CDH19: variants seen among roughly 807,000 people sequenced by gnomAD.
The protein encoded by CDH19 is cadherin 19.
In CDH19, 67 loss-of-function variants were observed where a neutral mutation model predicts 64.2. That is an observed-to-expected ratio of 1.04 (90% CI 0.86 to 1.28). The LOEUF (loss-of-function observed/expected upper bound fraction) is 1.28. CDH19 is among the 50% of genes most tolerant of loss of function. CDH19 has a pLI of 0.00. For synonymous variants in CDH19, 346 were observed against 319.3 expected (o/e 1.08, Z -0.89); for missense variants, 1,030 against 929.0 (o/e 1.11, Z -1.41).
chr18:66,505,973 T>G (rs980195300), intron 11 of CDH19, among the ~76,000 whole-genome samples: 1 of 151,920 alleles, frequency 6.6e-6, no homozygotes, highest in African/African-American at 2.4e-5. Context: ...AGTTGAGAGA[T>G]ACAATGGAAT....
chr18:66,590,482 A>C (rs1291537919), intron 1 of CDH19, among the ~76,000 whole-genome samples: 1 of 151,598 alleles, frequency 6.6e-6, no homozygotes, highest in Non-Finnish European at 1.5e-5. Flanking sequence ...GGTACCTTTA[A>C]CCAATGTCTT....
chr18:66,568,797 T>C (rs1233914470), intron 2 of CDH19, 87 bp from the exon 3 acceptor site: 1 of 1,043,200 alleles, frequency 9.6e-7, no homozygotes, highest in Non-Finnish European at 1.4e-6. Context: ...GTATGTTAAT[T>C]ATTCCCCAAG....
At chr18:66,573,140 A>G (rs1219984740) in intron 1 of CDH19, among the ~76,000 whole-genome samples, 1 of 151,674 alleles carries the variant, frequency 6.6e-6, no homozygotes, top group Non-Finnish European at 1.5e-5. Context: ...TCTAATCCTT[A>G]TATGTAACTT....
intron 9 of CDH19, among the ~76,000 whole-genome samples, chr18:66,515,199 C>A (rs2144360739): frequency 6.6e-6 from 1 of 151,734 alleles, no homozygotes; most frequent in African/African-American, 2.4e-5. Flanking sequence ...AAAATCTTAT[C>A]TGAGTTGCTT....
At chr18:66,548,805 C>T (rs1987234719) in intron 5 of CDH19, among the ~76,000 whole-genome samples, 2 of 152,122 alleles carry the variant, frequency 1.3e-5, no homozygotes, top group Non-Finnish European at 2.9e-5. Context: ...AGGAAGAATA[C>T]AAAGCATCTT....
chr18:66,504,833 A>T lies in CDH19; in HGVS notation c.2298T>A (p.Ser766=). 1 of 1,603,796 alleles carries T rather than the reference A, an allele frequency of 6.2e-7. No homozygotes were observed. Among genetic ancestry groups the T allele is most frequent in the Admixed American group, 1.7e-5 (1 of 59,630 alleles). Residue 766 remains serine, a synonymous_variant, in exon 12 of 12, where the codon TCT becomes TCA. Coordinates refer to ENST00000262150, the MANE Select transcript of CDH19 (RefSeq NM_021153.4). ...AGCCCTAATTATTTGACTGCACTGC[A>T]GAACCAAACATGCATGCTAATCTTT... ...RFKRLACMFG[S]AVQSNN
At chr18:66,534,272 A>G (rs73537794) in intron 8 of CDH19, among the ~76,000 whole-genome samples, 2,540 of 152,116 alleles carry the variant, frequency 0.017, 63 homozygotes, top group African/African-American at 0.057. Context: ...TTGAAAACCC[A>G]GATTCAAGCT....
Position 66,540,106 on chromosome 18 carries a change from C to T in CDH19, c.1214+3865G>A, listed in dbSNP as rs186627607. 1.1e-4 allele frequency among the ~76,000 whole-genome samples: 17 copies of T among 152,092 alleles called. No homozygotes were observed. The East Asian group carries it at 3.3e-3, about 29-fold the overall frequency. ...CTCTCTCTCTCTGTTTGCCCCTTGG[C>T]CTTTCTCGATAGAGATTAATAAACT... On this transcript the variant is annotated intron_variant, in intron 7 of 11. Transcript: ENST00000262150.
rs143660837 is a variant in CDH19 at position 66,581,381 on chromosome 18, G to A, written c.-112-9065C>T. Among the ~76,000 whole-genome samples the A allele has an allele frequency of 2.6e-3, 390 of 152,092 alleles. 2 individuals carry two copies. Among genetic ancestry groups the A allele is most frequent in the African/African-American group, 9.0e-3 (372 of 41,522 alleles). Reference sequence around the variant, plus strand: ...ATTAATATTAGGTGTCAACTTGATTGGATTGAAGAATCCCTAGATAGCTGG... The same window carrying A: ...ATTAATATTAGGTGTCAACTTGATTAGATTGAAGAATCCCTAGATAGCTGG... On this transcript the variant is annotated intron_variant, in intron 1 of 11. Coordinates refer to ENST00000262150, the MANE Select transcript of CDH19 (RefSeq NM_021153.4).
chr18:66,542,475 A>T (rs1986925242), intron 7 of CDH19, among the ~76,000 whole-genome samples: 1 of 152,212 alleles, frequency 6.6e-6, no homozygotes, highest in Non-Finnish European at 1.5e-5. Context: ...CTATACCTCA[A>T]CTACTGAAAC....
At chr18:66,593,114 T>C (rs1988789721) in intron 1 of CDH19, among the ~76,000 whole-genome samples, 1 of 151,898 alleles carries the variant, frequency 6.6e-6, no homozygotes, top group African/African-American at 2.4e-5. Context: ...TGAAATAATA[T>C]CTCATTGTGA....
At chr18:66,584,392 G>C (rs1273849669) in intron 1 of CDH19, among the ~76,000 whole-genome samples, 1 of 152,172 alleles carries the variant, frequency 6.6e-6, no homozygotes, top group East Asian at 1.9e-4. Context: ...CTGTCGGTGA[G>C]AGTATAAATT....
intron 5 of CDH19, among the ~76,000 whole-genome samples, chr18:66,549,750 G>A (rs1987270310): frequency 6.6e-6 from 1 of 152,132 alleles, no homozygotes; most frequent in Admixed American, 6.5e-5. Flanking sequence ...GCTACACTGA[G>A]TAGTTGTCTG....
chr18:66,512,476 G>T (rs1461691677), intron 9 of CDH19, among the ~76,000 whole-genome samples: 1 of 151,418 alleles, frequency 6.6e-6, no homozygotes, highest in Non-Finnish European at 1.5e-5. Flanking sequence ...CAATTAAAGT[G>T]CCTTTAACAA....
chr18:66,522,601 T>C (rs1986043748), intron 9 of CDH19, among the ~76,000 whole-genome samples: 1 of 151,980 alleles, frequency 6.6e-6, no homozygotes, highest in Admixed American at 6.6e-5. Flanking sequence ...TTTCAAACAT[T>C]TTTTATACAA....
intron 9 of CDH19, among the ~76,000 whole-genome samples, chr18:66,521,922 TTGTTGTTGTTGTTGTTGTTG>T: frequency 9.2e-6 from 1 of 109,156 alleles, no homozygotes; most frequent in South Asian, 2.6e-4. Context: ...TGTTCTGTTG[TTGTTGTTGTTGTTGTTGTTG>T]TTGTTGTTGT....
intron 3 of CDH19, among the ~76,000 whole-genome samples, chr18:66,561,583 G>GA (rs1260294675): frequency 6.6e-6 from 1 of 152,074 alleles, no homozygotes; most frequent in Non-Finnish European, 1.5e-5. Context: ...AACAGAGAGT[G>GA]AAAAAATGCT....
chr18:66,601,512 C>T (rs1297242968), intron 1 of CDH19, among the ~76,000 whole-genome samples: 1 of 151,896 alleles, frequency 6.6e-6, no homozygotes, highest in Non-Finnish European at 1.5e-5. Context: ...AACCACTGTC[C>T]TAAAATAACA....
intron 7 of CDH19, among the ~76,000 whole-genome samples, 187 bp downstream of exon 7, chr18:66,543,784 G>A (rs1373353747): frequency 6.6e-6 from 1 of 152,068 alleles, no homozygotes; most frequent in Non-Finnish European, 1.5e-5. Context: ...TAGGGAGGCT[G>A]AGGCAGAAGA....
Sources: allele counts gnomAD v4.1 joint callset (sites outside exome capture counted in the v4.1 genomes callset), GRCh38; gene constraint gnomAD v4.1.1; transcripts MANE v1.5; gene names NCBI Gene and HGNC (gene_info 2026-07-23, HGNC 2026-07-21).